Variants in NCBP3 observed in about 807,000 individuals in gnomAD.
The protein encoded by NCBP3 is nuclear cap binding subunit 3.
Under a neutral mutation model 75.7 loss-of-function variants are expected in NCBP3, and 20 were observed. The observed-to-expected ratio is 0.26, with a 90% CI of 0.19 to 0.38. NCBP3 has a LOEUF of 0.38. Ranked by LOEUF, NCBP3 falls within the 10% of genes least tolerant of loss-of-function variation. The pLI is 1.00. For synonymous variants in NCBP3, 293 were observed against 290.5 expected (o/e 1.01, Z -0.09); for missense variants, 678 against 796.9 (o/e 0.85, Z 1.80).
chr17:3,825,633 G>C lies in NCBP3; in HGVS notation c.687+134C>G, dbSNP rs1287795237. The C allele has an allele frequency of 4.8e-6, 3 of 629,844 alleles. No individual in the cohort carries two copies. In the African/African-American group the frequency reaches 5.5e-5, roughly 12 times the overall value. 39.0% of individuals were successfully genotyped at this position (629,844 alleles called of 1,614,324 possible). Reference sequence around the variant, plus strand: ...ATCCACACTAACTTAAAGGACAAGAGCCTGGTGCACCCTCAGAAGGTCTAA... The same window carrying C: ...ATCCACACTAACTTAAAGGACAAGACCCTGGTGCACCCTCAGAAGGTCTAA... On this transcript the variant is annotated intron_variant, in intron 6 of 12. Coordinates refer to ENST00000389005, the MANE Select transcript of NCBP3 (RefSeq NM_001114118.3).
intron 4 of NCBP3, 68 bp from the exon 5 acceptor site, chr17:3,826,283 G>T: frequency 7.0e-7 from 1 of 1,422,030 alleles, no homozygotes; most frequent in Non-Finnish European, 9.4e-7. Flanking sequence ...AGCAGATTCT[G>T]CATCGCATTC....
chr17:3,843,239 T>C, intron 1 of NCBP3, 88 bp from the exon 2 acceptor site: 1 of 1,018,800 alleles, frequency 9.8e-7, no homozygotes, highest in Non-Finnish European at 1.4e-6. Flanking sequence ...CAGGTTCTTT[T>C]TTCCTTTTTT....
rs2053672825 is a variant in NCBP3 at position 3,821,880 on chromosome 17, T to G, written c.896+73A>C. ...TTCCAGTTTACACAGGGTTTAGACA[T>G]TTCACCACGGAATACCAACTGAAGG... is the stretch of plus-strand genomic sequence containing the variant. On this transcript the variant is annotated intron_variant, in intron 8 of 12. Coordinates refer to ENST00000389005, the MANE Select transcript of NCBP3 (RefSeq NM_001114118.3). 5.2e-6 allele frequency: 5 copies of G among 967,282 alleles called. No individual in the cohort carries two copies. In the South Asian group the frequency reaches 5.6e-5, roughly 11 times the overall value. 59.9% of individuals were successfully genotyped at this position (967,282 alleles called of 1,614,324 possible). A position where few individuals can be genotyped will look rare whatever the true frequency, so the allele number is the denominator to read the frequency against.
At chr17:3,830,905 C>CA (rs1555533121) in intron 3 of NCBP3, among the ~76,000 whole-genome samples, 1 of 141,816 alleles carries the variant, frequency 7.1e-6, no homozygotes, top group Non-Finnish European at 1.5e-5. Context: ...TTTTAACTAC[C>CA]TTTTTTTTTT....
chr17:3,825,791 T>C lies in NCBP3; in HGVS notation c.663A>G (p.Glu221=). The change falls in exon 6 of 13, where the codon GAA becomes GAG. Residue 221 remains glutamate, a synonymous_variant. Coordinates refer to ENST00000389005, the MANE Select transcript of NCBP3 (RefSeq NM_001114118.3). ...DDDEAEEGEV[E]DENSSDVELD... is the part of the protein sequence containing the mutation. The stretch of plus-strand genomic sequence containing the variant: ...CCTCTACATCACTTGAGTTCTCATC[T>C]TCAACCTCTCCTTCTTCAGCTTCAT... 5 of 1,551,456 alleles carry C rather than the reference T, an allele frequency of 3.2e-6. No homozygotes were observed. The highest frequency in any genetic ancestry group is 4.4e-6 in the Non-Finnish European group (5 of 1,146,852).
At chr17:3,832,387 A>G (rs182391243) in intron 3 of NCBP3, among the ~76,000 whole-genome samples, 1,205 of 120,080 alleles carry the variant, frequency 0.01, 126 homozygotes, top group African/African-American at 0.029. Flanking sequence ...TAATCCCAGC[A>G]CTTTGGGAGG....
In NCBP3 at chr17:3,803,154, GAC is replaced by G. The variant is rs1435349932; in HGVS notation, c.*9888_*9889del. ...TTGACAAATACACACATAACCAAAA[GAC>G]ATGTGAATGTGGTTTCCCAACTCAC... On this transcript the variant is annotated 3_prime_UTR_variant, in exon 13 of 13. Transcript: ENST00000389005. 1 of 152,208 alleles carries G rather than the reference GAC, an allele frequency of 6.6e-6. No individual in the cohort carries two copies. The highest frequency in any genetic ancestry group is 1.9e-4 in the East Asian group (1 of 5,202). The allele number at this position is 152,208 out of a possible 1,614,324, so 9.4% of individuals were successfully genotyped here.
Position 3,818,647 on chromosome 17 carries a change from G to T in NCBP3, c.1001-75C>A. On this transcript the variant is annotated intron_variant, in intron 9 of 12. Transcript: ENST00000389005. This position sits in a 1 kb window ranked among gnomAD's most constrained non-coding sequence, Gnocchi z 4.7. ...GTATGATTTTCTACTCTACATCGGTGACCTTTTTAAAAGGTGGGGTTCCCA... is the reference window on the plus strand; with the variant it reads ...GTATGATTTTCTACTCTACATCGGTTACCTTTTTAAAAGGTGGGGTTCCCA... 6.7e-7 allele frequency: 1 copy of T among 1,490,946 alleles called. No individual in the cohort carries two copies. Among genetic ancestry groups the T allele is most frequent in the Non-Finnish European group, 8.9e-7 (1 of 1,121,090 alleles). The allele number at this position is 1,490,946 out of a possible 1,614,324, so 92.4% of individuals were successfully genotyped here. A position where few individuals can be genotyped will look rare whatever the true frequency, so the allele number is the denominator to read the frequency against.
chr17:3,813,559 G>T (rs190430651), intron 12 of NCBP3, among the ~76,000 whole-genome samples: 4 of 152,164 alleles, frequency 2.6e-5, no homozygotes, highest in African/African-American at 9.7e-5. Flanking sequence ...CTGAGAGGCC[G>T]TTTCCTCCTA....
At chr17:3,834,948 T>C (rs2053948742) in intron 3 of NCBP3, among the ~76,000 whole-genome samples, 1 of 152,160 alleles carries the variant, frequency 6.6e-6, no homozygotes, top group African/African-American at 2.4e-5. Flanking sequence ...TTAAGCCACG[T>C]AATCCAGTTC....
In NCBP3 at chr17:3,818,451, G is replaced by A. The variant is rs2053593680; in HGVS notation, c.1122C>T (p.His374=). The A allele has an allele frequency of 8.1e-6, 13 of 1,613,870 alleles. No individual in the cohort carries two copies. Among genetic ancestry groups the A allele is most frequent in the African/African-American group, 1.3e-5 (1 of 74,904 alleles). ...GCTGCTTGAGAGCCGGGAGCTCCTC[G>A]TGGTACTCTACCACCACTCTGTCAT... ...DADDRVVVEY[H]EELPALKQPR... is the part of the protein sequence containing the mutation. The change falls in exon 10 of 13, where the codon CAC becomes CAT. Residue 374 remains histidine, a synonymous_variant. Coordinates refer to ENST00000389005, the MANE Select transcript of NCBP3 (RefSeq NM_001114118.3). This position sits in a 1 kb window ranked among gnomAD's most constrained non-coding sequence, Gnocchi z 4.7.
At position 3,814,451 on chromosome 17, in the gene NCBP3, A is replaced by G. The variant is rs1259429313; in HGVS notation, c.1498T>C (p.Ser500Pro). ...TTACTACTAAAAGCCTTTTCCGGAG[A>G]ATGTGGTCTTTTTCCTAACCGCTGG... ...IRQRLGKRPH[S>P]PEKAFSSNPV... Residue 500 changes from serine to proline, a missense_variant, in exon 12 of 13, where the codon TCT (serine) becomes CCT (proline). This residue lies in a region of NCBP3 where 365 missense variants were observed against 392.7 expected (regional missense o/e 0.93). Transcript: ENST00000389005. 6.2e-7 allele frequency: 1 copy of G among 1,614,182 alleles called. No individual in the cohort carries two copies. The highest frequency in any genetic ancestry group is 8.5e-7 in the Non-Finnish European group (1 of 1,180,046).
intron 1 of NCBP3, among the ~76,000 whole-genome samples, chr17:3,844,664 A>T (rs2054128075): frequency 6.6e-6 from 1 of 152,204 alleles, no homozygotes. Context: ...CAGCCTGGCC[A>T]ACATGGAGAA....
rs1420058044 is a variant in NCBP3, at chr17:3,806,620, C to T, written c.*6424G>A. The T allele has an allele frequency of 6.6e-6, 1 of 151,140 alleles. No homozygotes were observed. The highest frequency in any genetic ancestry group is 1.9e-4 in the East Asian group (1 of 5,140). 9.4% of individuals were successfully genotyped at this position (151,140 alleles called of 1,614,324 possible). A position where few individuals can be genotyped will look rare whatever the true frequency, so the allele number is the denominator to read the frequency against. On this transcript the variant is annotated 3_prime_UTR_variant, in exon 13 of 13. Transcript: ENST00000389005. ...ATGGATAGTGCAGCCAAATTCCACT[C>T]GGATGCCTCACAACTACTTAAAATT...
intron 3 of NCBP3, among the ~76,000 whole-genome samples, chr17:3,838,425 C>T (rs1355449472): frequency 6.6e-6 from 1 of 152,232 alleles, no homozygotes; most frequent in East Asian, 1.9e-4. Flanking sequence ...GAAGGTCAAG[C>T]CACACCTGGC....
At chr17:3,833,826 A>G (rs2053929021) in intron 3 of NCBP3, among the ~76,000 whole-genome samples, 1 of 152,122 alleles carries the variant, frequency 6.6e-6, no homozygotes, top group Non-Finnish European at 1.5e-5. Context: ...TGCTAGTCTC[A>G]TTTAAAATTA....
intron 4 of NCBP3, among the ~76,000 whole-genome samples, chr17:3,827,095 G>T (rs1308933384): frequency 7.3e-6 from 1 of 136,424 alleles, no homozygotes; most frequent in Non-Finnish European, 1.6e-5. Flanking sequence ...GGGGAAGGGG[G>T]AAGGGAAAAG....
chr17:3,824,784 C>T (rs1430356088), intron 7 of NCBP3, 158 bp downstream of exon 7: 2 of 399,544 alleles, frequency 5.0e-6, no homozygotes, highest in Non-Finnish European at 8.9e-6. Context: ...GAAATTCCAA[C>T]TCAGGTGGCA....
chr17:3,840,226 G>A (rs1270878117), intron 2 of NCBP3, 21 bp from the exon 3 acceptor site: 5 of 1,542,776 alleles, frequency 3.2e-6, no homozygotes, highest in Non-Finnish European at 3.5e-6. Flanking sequence ...CAGAAAAAGT[G>A]AAAGTAGTAA....
Sources: gnomAD v4.1 joint callset for allele counts (sites outside exome capture counted in the v4.1 genomes callset) on GRCh38, gnomAD v4.1.1 for gene constraint, gnomAD v4.1.1 regional missense constraint, Gnocchi (gnomAD v3.1) non-coding constraint, MANE v1.5 for transcripts, NCBI Gene and HGNC (gene_info 2026-07-23, HGNC 2026-07-21) for gene names.